ADAMTS2: variants seen among roughly 807,000 people sequenced by gnomAD.
ADAMTS2 encodes A disintegrin and metalloproteinase with thrombospondin motifs 2.
Under a neutral mutation model 123.0 loss-of-function variants are expected in ADAMTS2, and 50 were observed. That is an observed-to-expected ratio of 0.41 (90% CI 0.32 to 0.51). The LOEUF (loss-of-function observed/expected upper bound fraction) is 0.51. Among genes scored for constraint, ADAMTS2 ranks in the 20% least tolerant of loss-of-function variants. The pLI is 0.35. For missense variants in ADAMTS2, 1,494 were observed against 1,705.2 expected (o/e 0.88, Z 2.18); for synonymous variants, 678 against 695.4 (o/e 0.98, Z 0.39).
chr5:179,304,242 CA>C (rs1756610394), intron 2 of ADAMTS2, among the ~76,000 whole-genome samples: 1 of 152,190 alleles, frequency 6.6e-6, no homozygotes. Context: ...TTCTCCATAG[CA>C]TTTAAACAAG....
intron 3 of ADAMTS2, among the ~76,000 whole-genome samples, chr5:179,220,711 G>A (rs538398937): frequency 5.9e-5 from 9 of 152,208 alleles, no homozygotes; most frequent in Non-Finnish European, 1.2e-4. Flanking sequence ...CAGCATCTGC[G>A]CCTCCCCCAT....
rs1051856642 is a variant in ADAMTS2 at position 179,200,244 on chromosome 5, CTTT to C, written c.891+7266_891+7268del. ...TATCTCCCCGCCACACCTTTCTTTCCTTTTTTTTTTTTTTTTTTTTTTGAGAGA... is the reference window on the plus strand; with the variant it reads ...TATCTCCCCGCCACACCTTTCTTTCCTTTTTTTTTTTTTTTTTTTGAGAGA... On this transcript the variant is annotated intron_variant, in intron 4 of 21. Coordinates refer to ENST00000251582, the MANE Select transcript of ADAMTS2 (RefSeq NM_014244.5). Among the ~76,000 whole-genome samples, 314 of 103,660 alleles carry C rather than the reference CTTT, an allele frequency of 3.0e-3. 3 individuals are homozygous for C. The highest frequency in any genetic ancestry group is 0.012 in the African/African-American group (305 of 25,232). 68.0% of individuals were successfully genotyped at this position (103,660 alleles called of 152,430 possible). A position where few individuals can be genotyped will look rare whatever the true frequency, so the allele number is the denominator to read the frequency against.
intron 3 of ADAMTS2, among the ~76,000 whole-genome samples, chr5:179,214,012 T>C (rs966300523): frequency 6.0e-4 from 91 of 152,302 alleles, no homozygotes; most frequent in African/African-American, 1.5e-3. Flanking sequence ...ACACGTGACC[T>C]TGTCAAGCAC....
intron 11 of ADAMTS2, among the ~76,000 whole-genome samples, chr5:179,138,371 C>T (rs1199713299): frequency 6.6e-6 from 1 of 152,218 alleles, no homozygotes; most frequent in African/African-American, 2.4e-5. Flanking sequence ...TGGCCCTGGG[C>T]ACCGAGCCTA....
Position 179,129,982 on chromosome 5 carries a change from G to A in ADAMTS2, c.2407C>T (p.Arg803Trp), listed in dbSNP as rs767768165. The part of the protein sequence containing the change: ...VEWEYRDEDG[R>W]ETLQTMGPLH... ...GGGCCCATGGTCTGCAGCGTCTCCCGGCCGTCCTCGTCTCTGTACTCCCAC... is the reference window on the plus strand; with the variant it reads ...GGGCCCATGGTCTGCAGCGTCTCCCAGCCGTCCTCGTCTCTGTACTCCCAC... Residue 803 changes from arginine (R) to tryptophan (W), a missense_variant, in exon 16 of 22, where the codon CGG becomes TGG. This residue lies in a region of ADAMTS2 where 953 missense variants were observed against 1,124.7 expected (regional missense o/e 0.85). Coordinates refer to ENST00000251582, the MANE Select transcript of ADAMTS2 (RefSeq NM_014244.5). This position sits in a 1 kb window ranked among gnomAD's most constrained non-coding sequence, Gnocchi z 4.1. 31 of 1,613,908 alleles carry A rather than the reference G, an allele frequency of 1.9e-5. No homozygotes were observed. The highest frequency in any genetic ancestry group is 2.3e-5 in the Non-Finnish European group (27 of 1,180,022).
intron 5 of ADAMTS2, among the ~76,000 whole-genome samples, chr5:179,167,864 C>G (rs567457478): frequency 1.3e-5 from 2 of 152,370 alleles, no homozygotes; most frequent in South Asian, 4.1e-4. Flanking sequence ...ACAAATGTCC[C>G]TTGTCCTTGT....
At chr5:179,319,246 T>C (rs1031677100) in intron 2 of ADAMTS2, among the ~76,000 whole-genome samples, 2 of 152,130 alleles carry the variant, frequency 1.3e-5, no homozygotes, top group Non-Finnish European at 2.9e-5. Flanking sequence ...ATGCATCACA[T>C]ACACATGTCC....
chr5:179,168,440 C>T (rs945502135), intron 5 of ADAMTS2, among the ~76,000 whole-genome samples: 4 of 152,186 alleles, frequency 2.6e-5, no homozygotes, highest in Non-Finnish European at 4.4e-5. Flanking sequence ...CCGCTCGCCC[C>T]CTGGAGCCAG....
At position 179,272,812 on chromosome 5, in the gene ADAMTS2, C is replaced by T. The variant is rs1766575675; in HGVS notation, c.688+99G>A. The T allele has an allele frequency of 8.9e-6, 13 of 1,460,238 alleles. No homozygotes were observed. In the East Asian group the frequency reaches 3.0e-4, roughly 33 times the overall value. The allele number at this position is 1,460,238 out of a possible 1,614,324, so 90.5% of individuals were successfully genotyped here. On this transcript the variant is annotated intron_variant, in intron 3 of 21. Coordinates refer to ENST00000251582, the MANE Select transcript of ADAMTS2 (RefSeq NM_014244.5). The surrounding 1 kb of genome is among the most constrained non-coding windows in gnomAD (Gnocchi z 5.8). ...CCGGGGCTCAGCCTCAGCAGCCAAG[C>T]TGGTCTGTGGAGAGCTGCCTGAGTC...
intron 2 of ADAMTS2, among the ~76,000 whole-genome samples, chr5:179,276,504 G>A (rs1016865534): frequency 3.3e-5 from 5 of 152,274 alleles, no homozygotes; most frequent in African/African-American, 9.6e-5. Flanking sequence ...CCAGTGACTC[G>A]TCTGTACATG....
At chr5:179,322,165 A>C (rs1289374437) in intron 2 of ADAMTS2, among the ~76,000 whole-genome samples, 2 of 152,214 alleles carry the variant, frequency 1.3e-5, no homozygotes, top group Admixed American at 1.3e-4. Context: ...TTTTATATGA[A>C]GGCACATACG....
intron 5 of ADAMTS2, among the ~76,000 whole-genome samples, chr5:179,166,362 T>C (rs1022720619): frequency 1.3e-5 from 2 of 152,110 alleles, no homozygotes. Flanking sequence ...GATCCCACCA[T>C]GAGGTGGAGA....
Position 179,115,867 on chromosome 5 carries a change from G to A in ADAMTS2, c.3179-1543C>T, listed in dbSNP as rs1376823412. Among the ~76,000 whole-genome samples, 1 of 152,012 alleles carries A rather than the reference G, an allele frequency of 6.6e-6. No individual in the cohort carries two copies. Among genetic ancestry groups the A allele is most frequent in the Non-Finnish European group, 1.5e-5 (1 of 68,012 alleles). ...GGTTCTGATGTCCTGCTTCTTAATG[G>A]CCACTGCTCCAGCCTGTAATTTTCC... On this transcript the variant is annotated intron_variant, in intron 21 of 21. Transcript: ENST00000251582. This position sits in a 1 kb window ranked among gnomAD's most constrained non-coding sequence, Gnocchi z 4.4.
chr5:179,284,436 G>T (rs758935928), intron 2 of ADAMTS2, among the ~76,000 whole-genome samples: 27 of 152,110 alleles, frequency 1.8e-4, no homozygotes, highest in African/African-American at 6.5e-4. Context: ...GGCTGGAGTG[G>T]AGTACAGTGG....
At chr5:179,309,021 G>GCT (rs983479967) in intron 2 of ADAMTS2, among the ~76,000 whole-genome samples, 10 of 152,200 alleles carry the variant, frequency 6.6e-5, no homozygotes, top group African/African-American at 2.2e-4. Flanking sequence ...GGTCTCTTCC[G>GCT]CTGCCCTGGC....
At chr5:179,291,466 C>A (rs1756188044) in intron 2 of ADAMTS2, among the ~76,000 whole-genome samples, 1 of 152,206 alleles carries the variant, frequency 6.6e-6, no homozygotes, top group Non-Finnish European at 1.5e-5. Context: ...ACGACCCTTC[C>A]CGTGTCCTCT....
intron 10 of ADAMTS2, among the ~76,000 whole-genome samples, chr5:179,143,469 G>GGA (rs929501916): frequency 1.3e-4 from 19 of 151,694 alleles, no homozygotes; most frequent in Non-Finnish European, 2.2e-4. Flanking sequence ...TAGAAATTCT[G>GGA]GAGTTGAATG....
chr5:179,343,764 C>G lies in ADAMTS2; in HGVS notation c.534+3G>C, dbSNP rs1205139647. 1.9e-6 allele frequency: 3 copies of G among 1,610,246 alleles called. No homozygotes were observed. The highest frequency in any genetic ancestry group is 2.5e-6 in the Non-Finnish European group (3 of 1,179,596). ...GAAAGGAGCTAGAGAAGTGCGTACTCACCAGCCCATCGCAGTTGCTGAGCG... is the reference window on the plus strand; with the variant it reads ...GAAAGGAGCTAGAGAAGTGCGTACTGACCAGCCCATCGCAGTTGCTGAGCG... On this transcript the variant is annotated splice_donor_region_variant and intron_variant, in intron 2 of 21. Transcript: ENST00000251582.
Position 179,272,215 on chromosome 5 carries a change from G to A in ADAMTS2, c.688+696C>T, listed in dbSNP as rs1205577679. ...GCTGGCACAGTGAGGCCAGATCTGA[G>A]GCGACAGTCATGGACTGTCACCATG... On this transcript the variant is annotated intron_variant, in intron 3 of 21. Coordinates refer to ENST00000251582, the MANE Select transcript of ADAMTS2 (RefSeq NM_014244.5). The surrounding 1 kb of genome is among the most constrained non-coding windows in gnomAD (Gnocchi z 5.8). Among the ~76,000 whole-genome samples, 1 of 152,228 alleles carries A rather than the reference G, an allele frequency of 6.6e-6. No individual in the cohort carries two copies. The highest frequency in any genetic ancestry group is 1.9e-4 in the East Asian group (1 of 5,198).
Sources: allele counts gnomAD v4.1 joint callset (sites outside exome capture counted in the v4.1 genomes callset), GRCh38; gene constraint gnomAD v4.1.1; regional missense constraint gnomAD v4.1.1; non-coding constraint Gnocchi (gnomAD v3.1); transcripts MANE v1.5; gene names NCBI Gene and HGNC (gene_info 2026-07-23, HGNC 2026-07-21).